MCTP1: variants seen among roughly 807,000 people sequenced by gnomAD.
MCTP1 encodes multiple C2 and transmembrane domain containing 1, also known as multiple C2 and transmembrane domain-containing protein 1.
Under a neutral mutation model 120.6 loss-of-function variants are expected in MCTP1, and 69 were observed. That is an observed-to-expected ratio of 0.57 (90% CI 0.47 to 0.70). The LOEUF (loss-of-function observed/expected upper bound fraction) is 0.70. Among genes scored for constraint, MCTP1 ranks in the 30% least tolerant of loss-of-function variants. MCTP1 has a pLI of 0.00. For missense variants in MCTP1, 1,203 were observed against 1,248.8 expected (o/e 0.96, Z 0.55); for synonymous variants, 529 against 493.1 (o/e 1.07, Z -0.96).
intron 19 of MCTP1, among the ~76,000 whole-genome samples, chr5:94,734,786 A>C (rs1187481310): frequency 6.6e-6 from 1 of 152,182 alleles, no homozygotes; most frequent in Non-Finnish European, 1.5e-5. Context: ...TAAGGCACAA[A>C]TAGTAGCATA....
At position 95,095,061 on chromosome 5, in the gene MCTP1, T is replaced by G. The variant is rs1240474972; in HGVS notation, c.721-77577A>C. ...TTTTTTGAGACGGAGTCTCGCTCTG[T>G]CGCCCAGGCTGGAGTGCAGTGGCGC... On this transcript the variant is annotated intron_variant, in intron 1 of 22. Transcript: ENST00000515393. Among the ~76,000 whole-genome samples, 118 of 114,026 alleles carry G rather than the reference T, an allele frequency of 1.0e-3. 1 individual carries two copies. Among genetic ancestry groups the G allele is most frequent in the African/African-American group, 3.8e-3 (113 of 29,856 alleles). 74.8% of individuals were successfully genotyped at this position (114,026 alleles called of 152,430 possible).
chr5:95,254,928 T>A (rs1282690478), intron 1 of MCTP1, among the ~76,000 whole-genome samples: 3 of 152,196 alleles, frequency 2.0e-5, no homozygotes, highest in Non-Finnish European at 2.9e-5. Flanking sequence ...TAGTGAGTCA[T>A]GAAATCAATA....
At chr5:94,791,808 C>A (rs1345898539) in intron 18 of MCTP1, 2 of 152,300 alleles carry the variant, frequency 1.3e-5, no homozygotes, top group Non-Finnish European at 2.9e-5. Flanking sequence ...GGGGCTACCC[C>A]ACCCTGGTCC....
rs192016885 is a variant in MCTP1 at position 95,123,026 on chromosome 5, A to G, written c.721-105542T>C. On this transcript the variant is annotated intron_variant, in intron 1 of 22. Transcript: ENST00000515393. ...AAAGTGCAGATGGTTAATGGGTTCA[A>G]AAATATAGTTAGTATAAAACCTAGT... Among the ~76,000 whole-genome samples the G allele has an allele frequency of 1.6e-3, 244 of 152,336 alleles. 3 individuals are homozygous for G. Among genetic ancestry groups the G allele is most frequent in the African/African-American group, 5.5e-3 (229 of 41,582 alleles).
At chr5:94,718,687 A>G (rs951824655) in intron 19 of MCTP1, among the ~76,000 whole-genome samples, 1 of 152,168 alleles carries the variant, frequency 6.6e-6, no homozygotes, top group African/African-American at 2.4e-5. Flanking sequence ...AAGTAGGCAA[A>G]AGACATGAAC....
chr5:95,210,249 C>G (rs150426130), intron 1 of MCTP1, among the ~76,000 whole-genome samples: 1,816 of 152,172 alleles, frequency 0.012, 30 homozygotes, highest in African/African-American at 0.041. Context: ...CTGTCTTGTT[C>G]ATCTGTCTAA....
intron 1 of MCTP1, among the ~76,000 whole-genome samples, chr5:95,171,105 G>A (rs972417170): frequency 6.6e-6 from 1 of 151,954 alleles, no homozygotes; most frequent in Admixed American, 6.5e-5. Context: ...GGGCAGGCCT[G>A]GTGGTGACAA....
intron 1 of MCTP1, among the ~76,000 whole-genome samples, chr5:95,132,931 A>G (rs149085929): frequency 2.0e-4 from 31 of 152,294 alleles, no homozygotes; most frequent in African/African-American, 6.7e-4. Flanking sequence ...CTCGCTCAAT[A>G]AGTACATTCC....
intron 1 of MCTP1, among the ~76,000 whole-genome samples, chr5:95,235,416 T>A (rs1174772785): frequency 6.6e-6 from 1 of 151,980 alleles, no homozygotes; most frequent in African/African-American, 2.4e-5. Context: ...GGACGTGCAT[T>A]CTTATCACTT....
At chr5:94,877,440 A>T (rs1468042965) in intron 12 of MCTP1, among the ~76,000 whole-genome samples, 1 of 151,760 alleles carries the variant, frequency 6.6e-6, no homozygotes, top group Non-Finnish European at 1.5e-5. Flanking sequence ...CACTTGAGAG[A>T]CTCTTTTACC....
intron 1 of MCTP1, among the ~76,000 whole-genome samples, chr5:95,041,080 T>G (rs963394078): frequency 1.3e-5 from 2 of 152,106 alleles, no homozygotes; most frequent in African/African-American, 2.4e-5. Context: ...TTCGAGTTTT[T>G]TTTTGTTACT....
intron 1 of MCTP1, among the ~76,000 whole-genome samples, chr5:95,256,833 T>C (rs1382070405): frequency 6.6e-6 from 1 of 152,146 alleles, no homozygotes; most frequent in Non-Finnish European, 1.5e-5. Context: ...TTAGGGCACA[T>C]TTACATGTTG....
chr5:95,055,066 G>A (rs1399544316), intron 1 of MCTP1, among the ~76,000 whole-genome samples: 2 of 152,090 alleles, frequency 1.3e-5, no homozygotes, highest in Non-Finnish European at 2.9e-5. Context: ...CTGCCTCAGC[G>A]GCTATAATAC....
At chr5:94,791,408 CTGAT>C (rs886905673) in intron 18 of MCTP1, among the ~76,000 whole-genome samples, 2 of 151,644 alleles carry the variant, frequency 1.3e-5, no homozygotes, top group African/African-American at 2.4e-5. Context: ...GGTGAGAAAA[CTGAT>C]TGAGTCTAGG....
At chr5:95,153,829 G>A (rs1744800730) in intron 1 of MCTP1, among the ~76,000 whole-genome samples, 2 of 152,132 alleles carry the variant, frequency 1.3e-5, no homozygotes, top group Non-Finnish European at 2.9e-5. Flanking sequence ...GCCTCATTAG[G>A]AGCAGTCGTT....
At chr5:95,208,842 T>C (rs1333088766) in intron 1 of MCTP1, among the ~76,000 whole-genome samples, 1 of 152,190 alleles carries the variant, frequency 6.6e-6, no homozygotes, top group East Asian at 1.9e-4. Context: ...CAATGATCCA[T>C]TAATCAGCAA....
At chr5:95,097,388 G>T (rs757409694) in intron 1 of MCTP1, among the ~76,000 whole-genome samples, 16 of 152,160 alleles carry the variant, frequency 1.1e-4, no homozygotes, top group Non-Finnish European at 1.9e-4. Context: ...GAGAACCAGG[G>T]GAAGATTGTA....
chr5:95,167,952 A>G (rs541090839), intron 1 of MCTP1, among the ~76,000 whole-genome samples: 35 of 152,318 alleles, frequency 2.3e-4, no homozygotes, highest in African/African-American at 8.4e-4. Context: ...TTGGTGTTTT[A>G]GACATGAAGT....
At chr5:95,206,290 A>C (rs1751603619) in intron 1 of MCTP1, among the ~76,000 whole-genome samples, 1 of 152,228 alleles carries the variant, frequency 6.6e-6, no homozygotes, top group Admixed American at 6.5e-5. Flanking sequence ...AATTCCATTT[A>C]TATTAAATGC....
Sources: allele counts gnomAD v4.1 joint callset (sites outside exome capture counted in the v4.1 genomes callset), GRCh38; gene constraint gnomAD v4.1.1; transcripts MANE v1.5; gene names NCBI Gene and HGNC (gene_info 2026-07-23, HGNC 2026-07-21).